Variants in PRSS23 observed in about 807,000 individuals in gnomAD.
PRSS23 encodes the protein protease, serine 23.
A neutral mutation model predicts 34.7 loss-of-function variants in PRSS23; 25 were observed. The observed-to-expected ratio is 0.72, with a 90% CI of 0.53 to 1.01. The LOEUF (loss-of-function observed/expected upper bound fraction) is 1.01. Ranked by LOEUF, PRSS23 falls within the 50% of genes least tolerant of loss-of-function variation. The pLI, the probability that PRSS23 is intolerant of heterozygous loss-of-function variation, is 0.00. For missense variants in PRSS23, 445 were observed against 475.6 expected (o/e 0.94, Z 0.60); for synonymous variants, 176 against 186.6 (o/e 0.94, Z 0.46).
chr11:86,912,425 G>A (rs912448487), intron 2 of PRSS23, among the ~76,000 whole-genome samples: 3 of 151,906 alleles, frequency 2.0e-5, no homozygotes, highest in African/African-American at 7.3e-5. Context: ...TTAGGCCTTT[G>A]ATATTGGCCT....
chr11:86,804,202 C>G (rs752004707), intron 1 of PRSS23, among the ~76,000 whole-genome samples: 1 of 152,136 alleles, frequency 6.6e-6, no homozygotes, highest in Non-Finnish European at 1.5e-5. Context: ...AGCTTTAATA[C>G]AGACATCAGT....
At chr11:86,816,332 T>C (rs1948215127) in intron 1 of PRSS23, among the ~76,000 whole-genome samples, 1 of 152,194 alleles carries the variant, frequency 6.6e-6, no homozygotes, top group Non-Finnish European at 1.5e-5. Flanking sequence ...AGGGTGTTCA[T>C]GCGTCTTCTC....
chr11:86,930,741 G>T (rs1949118928), intron 2 of PRSS23, among the ~76,000 whole-genome samples: 1 of 148,948 alleles, frequency 6.7e-6, no homozygotes, highest in South Asian at 2.1e-4. Context: ...AGTGAGCCGA[G>T]ATCGCGCCAC....
At position 86,888,507 on chromosome 11, in the gene PRSS23, T is replaced by A. The variant is rs958561672; in HGVS notation, c.207-62709T>A. Reference sequence around the variant, plus strand: ...GGGGCAAAAGAAATGGTCCTTTGAATTCACATGTCATACAATCCCCGCCAG... The same window carrying A: ...GGGGCAAAAGAAATGGTCCTTTGAAATCACATGTCATACAATCCCCGCCAG... On this transcript the variant is annotated intron_variant, in intron 2 of 2. Coordinates refer to the PRSS23 transcript ENST00000533902. Among the ~76,000 whole-genome samples, 6 of 152,338 alleles carry A rather than the reference T, an allele frequency of 3.9e-5. No homozygotes were observed. The East Asian group carries it at 7.7e-4, about 20-fold the overall frequency.
chr11:86,941,977 A>G lies in PRSS23; in HGVS notation c.207-9239A>G, dbSNP rs980556293. ...CTCCCTGCCTTCCTTCCTTATACATATATTTTGAAACTTGTGCCCTGTGCC... is the reference window on the plus strand; with the variant it reads ...CTCCCTGCCTTCCTTCCTTATACATGTATTTTGAAACTTGTGCCCTGTGCC... On this transcript the variant is annotated intron_variant, in intron 2 of 2. Coordinates refer to the PRSS23 transcript ENST00000533902. 2.0e-5 allele frequency among the ~76,000 whole-genome samples: 3 copies of G among 151,988 alleles called. No individual in the cohort carries two copies. The East Asian group carries it at 5.8e-4, about 29-fold the overall frequency.
chr11:86,814,956 T>G (rs578143391), downstream of PRSS23, among the ~76,000 whole-genome samples: 25 of 152,350 alleles, frequency 1.6e-4, no homozygotes, highest in African/African-American at 5.8e-4. Context: ...CTCTTAGTCT[T>G]GATTTATCAC....
At chr11:86,818,561 G>A (rs17819187) in intron 1 of PRSS23, among the ~76,000 whole-genome samples, 28 of 151,942 alleles carry the variant, frequency 1.8e-4, no homozygotes, top group Admixed American at 5.2e-4. Context: ...CAGACTAAAC[G>A]ATCTCAGATT....
intron 2 of PRSS23, among the ~76,000 whole-genome samples, chr11:86,920,187 A>C (rs1013047740): frequency 2.6e-5 from 4 of 152,232 alleles, no homozygotes; most frequent in Admixed American, 2.6e-4. Flanking sequence ...ACGAATTTGT[A>C]AAATTATCAG....
intron 2 of PRSS23, among the ~76,000 whole-genome samples, chr11:86,865,032 T>C (rs1948640880): frequency 6.6e-6 from 1 of 152,244 alleles, no homozygotes; most frequent in Non-Finnish European, 1.5e-5. Flanking sequence ...AGTTCCTTTT[T>C]CCAGGTAAGG....
chr11:86,887,733 A>C (rs1037603988), intron 2 of PRSS23, among the ~76,000 whole-genome samples: 1 of 152,170 alleles, frequency 6.6e-6, no homozygotes, highest in Non-Finnish European at 1.5e-5. Context: ...AGAGGCAGAC[A>C]CACACACTGA....
At chr11:86,857,063 G>C (rs1416259902) in intron 2 of PRSS23, 1 of 189,654 alleles carries the variant, frequency 5.3e-6, no homozygotes, top group African/African-American at 2.4e-5. Flanking sequence ...GGATGGAACA[G>C]ATCATGAGAT....
chr11:86,833,496 G>T (rs1654369730), intron 2 of PRSS23: 2 of 319,314 alleles, frequency 6.3e-6, no homozygotes, highest in Middle Eastern at 1.0e-3. Context: ...TATATTTACT[G>T]TTGCAAGATT....
exon 3 of PRSS23, chr11:86,951,458 A>G (rs1307662667): frequency 6.2e-7 from 1 of 1,613,916 alleles, no homozygotes; most frequent in South Asian, 1.1e-5. Context: ...CTTGACCATC[A>G]GTCTTTCTAA....
intron 2 of PRSS23, among the ~76,000 whole-genome samples, chr11:86,839,234 G>A (rs1265922105): frequency 6.6e-6 from 1 of 152,104 alleles, no homozygotes; most frequent in Non-Finnish European, 1.5e-5. Context: ...TCACAAGGAA[G>A]CTAAAAACCT....
At chr11:86,795,062 G>T (rs545458546) in intron 1 of PRSS23, among the ~76,000 whole-genome samples, 1 of 152,058 alleles carries the variant, frequency 6.6e-6, no homozygotes, top group East Asian at 1.9e-4. Flanking sequence ...GACAAGATTT[G>T]GGGGTGTCAA....
intron 2 of PRSS23, chr11:86,833,562 C>T (rs1815753): frequency 0.11 from 26,594 of 234,004 alleles, 1,703 homozygotes; most frequent in Non-Finnish European, 0.13. Flanking sequence ...AGAGGGTAGC[C>T]ATTGCTGGCT....
At chr11:86,797,959 A>G (rs4497436), upstream of PRSS23, among the ~76,000 whole-genome samples, 2,049 of 152,246 alleles carry the variant, frequency 0.013, 42 homozygotes, top group African/African-American at 0.047. Context: ...GGCCACTCTT[A>G]ATTATGTTGC....
At chr11:86,833,811 C>G (rs971624170) in intron 2 of PRSS23, among the ~76,000 whole-genome samples, 1 of 152,228 alleles carries the variant, frequency 6.6e-6, no homozygotes, top group South Asian at 2.1e-4. Flanking sequence ...GTCTCTCAGT[C>G]CCCCCTCTCA....
intron 2 of PRSS23, among the ~76,000 whole-genome samples, chr11:86,880,451 TA>T (rs893799230): frequency 5.3e-5 from 8 of 150,486 alleles, no homozygotes; most frequent in African/African-American, 1.5e-4. Flanking sequence ...ATAAAAAAAA[TA>T]AAAAAAATAA....
Sources: gnomAD v4.1 joint callset for allele counts (sites outside exome capture counted in the v4.1 genomes callset) on GRCh38, gnomAD v4.1.1 for gene constraint, MANE v1.5 for transcripts, NCBI Gene and HGNC (gene_info 2026-07-23, HGNC 2026-07-21) for gene names.